Variants in TAF4B observed in about 807,000 individuals in gnomAD.
The protein encoded by TAF4B is transcription initiation factor TFIID subunit 4B.
Under a neutral mutation model 86.4 loss-of-function variants are expected in TAF4B, and 38 were observed. The ratio of observed to expected loss-of-function variants is 0.44; its 90% confidence interval spans 0.34 to 0.58. The LOEUF is 0.58. TAF4B is among the 20% of genes least tolerant of loss of function. TAF4B has a pLI of 0.02. For missense variants in TAF4B, 988 were observed against 1,027.6 expected (o/e 0.96, Z 0.53); for synonymous variants, 388 against 391.2 (o/e 0.99, Z 0.10).
chr18:26,226,812 C>G lies in TAF4B; in HGVS notation c.-122C>G. 1 of 754,978 alleles carries G rather than the reference C, an allele frequency of 1.3e-6. No homozygotes were observed. The highest frequency in any genetic ancestry group is 3.8e-5 in the South Asian group (1 of 26,116). The allele number at this position is 754,978 out of a possible 1,614,324, so 46.8% of individuals were successfully genotyped here. A position where few individuals can be genotyped will look rare whatever the true frequency, so the allele number is the denominator to read the frequency against. ...ACTGACTTCGCTGCTGCGGCCCCCG[C>G]GCCTCTCCCCAGCGATGCTGTGGAA... On this transcript the variant is annotated 5_prime_UTR_variant, in exon 1 of 15. Transcript: ENST00000269142.
intron 5 of TAF4B, among the ~76,000 whole-genome samples, chr18:26,279,661 A>T (rs1429374417): frequency 1.3e-5 from 2 of 152,162 alleles, no homozygotes; most frequent in African/African-American, 4.8e-5. Context: ...AAAAACAGAC[A>T]CATAGACCAA....
rs1043031200 is a variant in TAF4B at position 26,286,384 on chromosome 18, G to A, written c.1475G>A (p.Gly492Glu). Residue 492 changes from glycine (G) to glutamate (E), a missense_variant, in exon 7 of 15, where the codon GGG (glycine) becomes GAG (glutamate). Transcript: ENST00000269142. ...PSVKPVVSSA[G>E]TTSDKPVIGT... ...GTGAAACCTGTTGTTTCTTCTGCTG[G>A]GACCACATCTGACAAGCCTGTTATT... The A allele has an allele frequency of 6.2e-7, 1 of 1,614,132 alleles. No individual in the cohort carries two copies. The highest frequency in any genetic ancestry group is 1.1e-5 in the South Asian group (1 of 91,068).
intron 11 of TAF4B, among the ~76,000 whole-genome samples, chr18:26,322,313 A>T (rs1202123570): frequency 1.3e-5 from 2 of 152,132 alleles, no homozygotes; most frequent in Non-Finnish European, 2.9e-5. Flanking sequence ...GAAAAACTAC[A>T]TATGATTGCC....
intron 9 of TAF4B, among the ~76,000 whole-genome samples, chr18:26,300,649 G>T (rs1229535718): frequency 6.6e-6 from 1 of 151,984 alleles, no homozygotes; most frequent in Non-Finnish European, 1.5e-5. Flanking sequence ...ACTTCTCAGT[G>T]TGACTAATTT....
In TAF4B at chr18:26,227,178, T is replaced by A. The variant is rs1159659929; in HGVS notation, c.245T>A (p.Val82Asp). ...GCTCCGGTCAGCGCCCCTCCTAAAG[T>A]CAGCAGCGGCCCTAGGCTGCCTGCT... Reference protein sequence around the residue: ...KVAPVSAPPKVSSGPRLPAPQ... With the variant: ...KVAPVSAPPKDSSGPRLPAPQ... Residue 82 changes from valine to aspartate, a missense_variant, in exon 1 of 15, where the codon GTC becomes GAC. By Grantham distance (152) the Val-to-Asp change is radical. Transcript: ENST00000269142. The A allele has an allele frequency of 6.2e-7, 1 of 1,613,900 alleles. No homozygotes were observed. Among genetic ancestry groups the A allele is most frequent in the Non-Finnish European group, 8.5e-7 (1 of 1,179,982 alleles).
At chr18:26,245,537 A>G (rs761929097) in intron 1 of TAF4B, among the ~76,000 whole-genome samples, 3 of 151,840 alleles carry the variant, frequency 2.0e-5, no homozygotes, top group African/African-American at 7.3e-5. Flanking sequence ...CCTTTTTTCA[A>G]TCTTCCCTGT....
intron 13 of TAF4B, among the ~76,000 whole-genome samples, chr18:26,356,533 T>TAAAAGATTTTGGTTAGTACTCTTTTG (rs2057289983): frequency 1.3e-5 from 2 of 152,184 alleles, no homozygotes; most frequent in South Asian, 4.1e-4. Flanking sequence ...AAACATGTGT[T>TAAAAGATTTTGGTTAGTACTCTTTTG]AAAAGATTTT....
intron 1 of TAF4B, among the ~76,000 whole-genome samples, chr18:26,234,990 A>G (rs1347914079): frequency 6.6e-6 from 1 of 152,200 alleles, no homozygotes; most frequent in African/African-American, 2.4e-5. Flanking sequence ...CAGTGAGGCC[A>G]GTCTTTTACT....
At chr18:26,237,131 C>T (rs1346583198) in intron 1 of TAF4B, among the ~76,000 whole-genome samples, 4 of 152,124 alleles carry the variant, frequency 2.6e-5, no homozygotes, top group African/African-American at 2.4e-5. Context: ...AGTGGGGATC[C>T]GTACTAGGGA....
At chr18:26,282,766 CA>C (rs1568126186) in intron 6 of TAF4B, among the ~76,000 whole-genome samples, 1 of 152,184 alleles carries the variant, frequency 6.6e-6, no homozygotes, top group East Asian at 1.9e-4. Context: ...GAACTTCTTT[CA>C]AAATTGGAGT....
At chr18:26,249,592 G>A (rs1450470330) in intron 1 of TAF4B, among the ~76,000 whole-genome samples, 2 of 151,920 alleles carry the variant, frequency 1.3e-5, no homozygotes, top group African/African-American at 2.4e-5. Flanking sequence ...TTGTCTCTTT[G>A]GAAATAAAAA....
intron 13 of TAF4B, among the ~76,000 whole-genome samples, chr18:26,346,423 G>T (rs1465626873): frequency 1.4e-5 from 2 of 142,338 alleles, no homozygotes; most frequent in East Asian, 4.2e-4. Flanking sequence ...GAAGTGAAAA[G>T]ATGTAGAAAA....
At chr18:26,306,463 ACTT>A (rs1343723292) in intron 9 of TAF4B, among the ~76,000 whole-genome samples, 11 of 152,180 alleles carry the variant, frequency 7.2e-5, no homozygotes, top group East Asian at 1.9e-4. Context: ...TGTATTTCCC[ACTT>A]CTTCTTAATC....
At chr18:26,280,753 G>A (rs1411685357) in intron 5 of TAF4B, among the ~76,000 whole-genome samples, 5 of 152,164 alleles carry the variant, frequency 3.3e-5, no homozygotes, top group Non-Finnish European at 7.4e-5. Context: ...ATTTCTTAAA[G>A]AACTAAAAAT....
At chr18:26,341,098 T>TA (rs141873351) in intron 13 of TAF4B, among the ~76,000 whole-genome samples, 26,717 of 150,596 alleles carry the variant, frequency 0.18, 2,946 homozygotes, top group Non-Finnish European at 0.26. Flanking sequence ...GATGCCTGTT[T>TA]AAAAAAAAAA....
chr18:26,237,557 A>C (rs2055768036), intron 1 of TAF4B, among the ~76,000 whole-genome samples: 1 of 151,964 alleles, frequency 6.6e-6, no homozygotes, highest in South Asian at 2.1e-4. Flanking sequence ...GAGGAGGCTT[A>C]TCATTAATAG....
intron 9 of TAF4B, 106 bp downstream of exon 9, chr18:26,293,637 A>G: frequency 1.6e-6 from 1 of 623,680 alleles, no homozygotes; most frequent in Non-Finnish European, 2.7e-6. Flanking sequence ...ATGCCTTTTT[A>G]CAAAGCTAAC....
intron 1 of TAF4B, among the ~76,000 whole-genome samples, chr18:26,229,539 G>A (rs1228658116): frequency 7.9e-6 from 1 of 126,010 alleles, no homozygotes; most frequent in Non-Finnish European, 1.6e-5. Context: ...GTGTCACTCT[G>A]TTGCCCAGGC....
intron 9 of TAF4B, among the ~76,000 whole-genome samples, chr18:26,306,521 G>A (rs938122409): frequency 6.6e-6 from 1 of 152,072 alleles, no homozygotes; most frequent in African/African-American, 2.4e-5. Flanking sequence ...TATGTATACC[G>A]AGTGTTTAGA....
Sources: allele counts gnomAD v4.1 joint callset (sites outside exome capture counted in the v4.1 genomes callset), GRCh38; gene constraint gnomAD v4.1.1; transcripts MANE v1.5; gene names NCBI Gene and HGNC (gene_info 2026-07-23, HGNC 2026-07-21).